The following BLTP1 variants were observed in gnomAD, a reference collection of about 807,000 sequenced individuals.
BLTP1 encodes the protein bridge-like lipid transfer protein family member 1.
the BLTP1 span, among the ~76,000 whole-genome samples, chr4:122,214,861 C>A: frequency 6.6e-6 from 1 of 152,026 alleles, no homozygotes; most frequent in Non-Finnish European, 1.5e-5. Flanking sequence ...ATCTGCCCAC[C>A]TGGGCCTCCT....
At chr4:122,186,218 G>C in the BLTP1 span, 1 of 1,609,804 alleles carries the variant, frequency 6.2e-7, no homozygotes, top group African/African-American at 1.3e-5. Flanking sequence ...ATCGAAAATT[G>C]AAAGGTTCAG....
the BLTP1 span, chr4:122,187,898 C>A: frequency 6.4e-7 from 1 of 1,565,228 alleles, no homozygotes; most frequent in Non-Finnish European, 8.6e-7. Flanking sequence ...TTTTTAGGGA[C>A]GTTTGGCCTT....
chr4:122,279,763 C>T, the BLTP1 span: 1 of 1,608,824 alleles, frequency 6.2e-7, no homozygotes, highest in Non-Finnish European at 8.5e-7. Flanking sequence ...AGTCTTCTTT[C>T]TCTATTGATA....
the BLTP1 span, chr4:122,203,853 G>A: frequency 4.9e-5 from 25 of 509,810 alleles, no homozygotes; most frequent in Non-Finnish European, 6.3e-5. Flanking sequence ...AGTTGTTAAA[G>A]AATAAAATAA....
chr4:122,168,939 A>G, the BLTP1 span, among the ~76,000 whole-genome samples: 1 of 152,040 alleles, frequency 6.6e-6, no homozygotes, highest in Non-Finnish European at 1.5e-5. Context: ...ATGTTATCTC[A>G]TTCAATTTTT....
the BLTP1 span, among the ~76,000 whole-genome samples, chr4:122,275,694 C>T: frequency 3.3e-5 from 5 of 151,892 alleles, no homozygotes; most frequent in African/African-American, 4.8e-5. Context: ...CTTTTTTCCC[C>T]CAAGTAAAGA....
chr4:122,237,677 G>T, the BLTP1 span: 1 of 723,454 alleles, frequency 1.4e-6, no homozygotes, highest in Non-Finnish European at 1.7e-6. Context: ...TTTCTAAAAC[G>T]TTTAACAAAT....
chr4:122,343,855 C>T, the BLTP1 span: 1 of 670,028 alleles, frequency 1.5e-6, no homozygotes, highest in Non-Finnish European at 1.8e-6. Context: ...GCACAGTAAT[C>T]TCTGGATATC....
the BLTP1 span, among the ~76,000 whole-genome samples, chr4:122,262,234 T>C: frequency 6.6e-6 from 1 of 151,088 alleles, no homozygotes; most frequent in Admixed American, 6.6e-5. Flanking sequence ...ATATTGTGTC[T>C]AGGTATCAGT....
chr4:122,307,135 T>A, the BLTP1 span, among the ~76,000 whole-genome samples: 14 of 152,116 alleles, frequency 9.2e-5, no homozygotes, highest in Non-Finnish European at 1.6e-4. Flanking sequence ...TGTGTATACA[T>A]AATGAGATAT....
the BLTP1 span, chr4:122,349,690 A>G: frequency 2.6e-6 from 4 of 1,558,266 alleles, no homozygotes; most frequent in South Asian, 4.9e-5. The surrounding 1 kb of genome is among the most constrained non-coding windows in gnomAD (Gnocchi z 4.5). Flanking sequence ...ACTGTTCTCA[A>G]CATATTGTCT....
chr4:122,338,519 GA>G, the BLTP1 span, among the ~76,000 whole-genome samples: 3 of 151,928 alleles, frequency 2.0e-5, no homozygotes, highest in African/African-American at 7.3e-5. Context: ...TGTTAATTAT[GA>G]ACAAGTTTAA....
At chr4:122,215,747 A>C in the BLTP1 span, among the ~76,000 whole-genome samples, 2 of 151,946 alleles carry the variant, frequency 1.3e-5, no homozygotes, top group Non-Finnish European at 2.9e-5. Flanking sequence ...TACGTGGATA[A>C]GTTCTTTAGT....
chr4:122,276,841 G>C, the BLTP1 span: 11 of 978,890 alleles, frequency 1.1e-5, 1 homozygote, highest in South Asian at 3.8e-4. Flanking sequence ...AGATTTTACT[G>C]TTTATAAACA....
At chr4:122,334,594 G>A in the BLTP1 span, 68 of 1,568,214 alleles carry the variant, frequency 4.3e-5, 1 homozygote, top group Non-Finnish European at 5.6e-5. Flanking sequence ...AAAATTTTTA[G>A]TTATTACCTA....
At chr4:122,324,211 G>A in the BLTP1 span, among the ~76,000 whole-genome samples, 3 of 151,464 alleles carry the variant, frequency 2.0e-5, no homozygotes, top group East Asian at 1.9e-4. Flanking sequence ...TTTTTTCTCA[G>A]GTCAGCTGGT....
the BLTP1 span, chr4:122,271,007 C>T: frequency 6.4e-7 from 1 of 1,551,224 alleles, no homozygotes; most frequent in Non-Finnish European, 8.7e-7. Context: ...TTTTTTATTT[C>T]ACGTTTTTAG....
the BLTP1 span, among the ~76,000 whole-genome samples, chr4:122,252,817 C>A: frequency 6.6e-6 from 1 of 152,186 alleles, no homozygotes. Context: ...TAGGCAGAAG[C>A]CAGGTAGTGG....
At chr4:122,165,781 G>A in the BLTP1 span, among the ~76,000 whole-genome samples, 1 of 139,724 alleles carries the variant, frequency 7.2e-6, no homozygotes, top group Admixed American at 7.6e-5. Flanking sequence ...GGTGTGAGAT[G>A]GTATCTCATT....
Sources: gnomAD v4.1 joint callset for allele counts (sites outside exome capture counted in the v4.1 genomes callset) on GRCh38, gnomAD v4.1.1 for gene constraint, Gnocchi (gnomAD v3.1) non-coding constraint, MANE v1.5 for transcripts, NCBI Gene and HGNC (gene_info 2026-07-23, HGNC 2026-07-21) for gene names.